The following KATNAL1 variants were observed in gnomAD, a reference collection of about 807,000 sequenced individuals.
The protein encoded by KATNAL1 is katanin catalytic subunit A1 like 1.
In KATNAL1, 32 loss-of-function variants were observed where a neutral mutation model predicts 55.2. The ratio of observed to expected loss-of-function variants is 0.58; its 90% CI spans 0.44 to 0.78. The LOEUF is 0.78. Ranked by LOEUF, KATNAL1 falls within the 30% of genes least tolerant of loss-of-function variation. KATNAL1 has a pLI of 0.00. For missense variants in KATNAL1, 466 were observed against 600.9 expected (o/e 0.78, Z 2.35); for synonymous variants, 193 against 193.6 (o/e 1.00, Z 0.02).
chr13:30,253,894 G>A (rs190284706), intron 4 of KATNAL1, among the ~76,000 whole-genome samples: 7 of 152,138 alleles, frequency 4.6e-5, no homozygotes, highest in Non-Finnish European at 1.0e-4. Flanking sequence ...CATTCTTCCA[G>A]TATCCATGTC....
At chr13:30,250,226 G>T (rs986500873) in intron 4 of KATNAL1, among the ~76,000 whole-genome samples, 3 of 152,168 alleles carry the variant, frequency 2.0e-5, no homozygotes, top group South Asian at 2.1e-4. Flanking sequence ...ATTTAGAAAA[G>T]TAATGGGGAA....
intron 1 of KATNAL1, among the ~76,000 whole-genome samples, chr13:30,303,467 A>G (rs1332558811): frequency 6.6e-6 from 1 of 152,228 alleles, no homozygotes; most frequent in Non-Finnish European, 1.5e-5. Context: ...GGGGAGGCTG[A>G]GACAGGAAGG....
intron 6 of KATNAL1, among the ~76,000 whole-genome samples, chr13:30,234,487 C>T (rs181704721): frequency 6.6e-6 from 1 of 152,208 alleles, no homozygotes; most frequent in Admixed American, 6.5e-5. Flanking sequence ...TCTTGAAACC[C>T]TGACACTGCT....
intron 1 of KATNAL1, among the ~76,000 whole-genome samples, chr13:30,295,793 T>C (rs1882444489): frequency 6.6e-6 from 1 of 152,216 alleles, no homozygotes; most frequent in East Asian, 1.9e-4. Context: ...TTGACTCCAA[T>C]TGTGAAAGAA....
intron 4 of KATNAL1, among the ~76,000 whole-genome samples, chr13:30,241,936 G>A (rs2137427203): frequency 6.6e-6 from 1 of 152,264 alleles, no homozygotes; most frequent in East Asian, 1.9e-4. Flanking sequence ...GGGCAGTATG[G>A]CGGTAGCATT....
Position 30,255,440 on chromosome 13 carries a change from A to T in KATNAL1, c.492+7T>A. ...AGTGAGTGAATTACAGAAAGACAGC[A>T]TCTTGCCTTGTCATCTCTCCCTCTT... On this transcript the variant is annotated splice_region_variant and intron_variant, in intron 4 of 10. Coordinates refer to ENST00000380615, the MANE Select transcript of KATNAL1 (RefSeq NM_032116.5). 6.6e-7 allele frequency: 1 copy of T among 1,511,422 alleles called. No homozygotes were observed. The highest frequency in any genetic ancestry group is 8.9e-7 in the Non-Finnish European group (1 of 1,129,198). 93.6% of individuals were successfully genotyped at this position (1,511,422 alleles called of 1,614,324 possible).
At chr13:30,258,231 T>C (rs965184761) in intron 3 of KATNAL1, among the ~76,000 whole-genome samples, 11 of 152,222 alleles carry the variant, frequency 7.2e-5, no homozygotes, top group Non-Finnish European at 1.2e-4. Context: ...GAGATTTCCC[T>C]ATAGGAATAA....
chr13:30,271,763 G>A (rs1880379354), intron 3 of KATNAL1, among the ~76,000 whole-genome samples: 1 of 151,866 alleles, frequency 6.6e-6, no homozygotes, highest in South Asian at 2.1e-4. Context: ...AGCTCCTGGA[G>A]GGTAAGGACC....
At chr13:30,261,714 C>T (rs1053431680) in intron 3 of KATNAL1, among the ~76,000 whole-genome samples, 2 of 152,178 alleles carry the variant, frequency 1.3e-5, no homozygotes, top group African/African-American at 4.8e-5. Context: ...CAGATTCATA[C>T]AGCAAGTCCT....
chr13:30,300,497 A>C (rs1882788978), intron 1 of KATNAL1, among the ~76,000 whole-genome samples: 1 of 152,070 alleles, frequency 6.6e-6, no homozygotes, highest in South Asian at 2.1e-4. Flanking sequence ...TTTTATCAAT[A>C]TGTCCAGGCT....
intron 8 of KATNAL1, 137 bp downstream of exon 8, chr13:30,230,331 A>G (rs1170785340): frequency 1.5e-6 from 1 of 684,744 alleles, no homozygotes; most frequent in Non-Finnish European, 2.3e-6. Context: ...TTCTGAGTGC[A>G]TGAACAAATG....
chr13:30,296,243 T>C, intron 1 of KATNAL1: 2 of 1,125,672 alleles, frequency 1.8e-6, no homozygotes, highest in Non-Finnish European at 2.5e-6. Flanking sequence ...GCTGTCAGAC[T>C]ACAAAGGGAA....
At chr13:30,252,783 C>T (rs193018628) in intron 4 of KATNAL1, among the ~76,000 whole-genome samples, 21 of 151,760 alleles carry the variant, frequency 1.4e-4, no homozygotes, top group African/African-American at 4.6e-4. Flanking sequence ...CGCTCTGTTG[C>T]CCAAGCTGGA....
intron 1 of KATNAL1, among the ~76,000 whole-genome samples, chr13:30,301,874 GTATT>G (rs1393309441): frequency 6.6e-6 from 1 of 152,042 alleles, no homozygotes; most frequent in Non-Finnish European, 1.5e-5. Flanking sequence ...ATGTATGTAT[GTATT>G]TATTTATTTT....
At chr13:30,275,658 T>G (rs1880788978) in intron 3 of KATNAL1, among the ~76,000 whole-genome samples, 1 of 152,178 alleles carries the variant, frequency 6.6e-6, no homozygotes, top group African/African-American at 2.4e-5. Context: ...TGACTGTAGT[T>G]AACAATACTG....
intron 1 of KATNAL1, among the ~76,000 whole-genome samples, chr13:30,301,510 C>T (rs1777360016): frequency 2.6e-5 from 4 of 152,198 alleles, no homozygotes. Context: ...TAGGCATTAT[C>T]TCATCTAATC....
chr13:30,285,754 A>C (rs1228452832), intron 1 of KATNAL1, among the ~76,000 whole-genome samples: 1 of 152,222 alleles, frequency 6.6e-6, no homozygotes, highest in Non-Finnish European at 1.5e-5. Context: ...AAAATGTGGG[A>C]AACTCTGGAA....
rs776810216 is a variant in KATNAL1 at position 30,218,224 on chromosome 13, AT to A, written c.1148-7783del. Among the ~76,000 whole-genome samples the A allele has an allele frequency of 2.9e-3, 422 of 143,294 alleles. 5 individuals are homozygous for A. The highest frequency in any genetic ancestry group is 0.01 in the African/African-American group (400 of 38,974). 94.0% of individuals were successfully genotyped at this position (143,294 alleles called of 152,430 possible). On this transcript the variant is annotated intron_variant, in intron 9 of 10. Transcript: ENST00000380615. The stretch of plus-strand genomic sequence containing the variant: ...AAAAGGAATATATATATATATATAT[AT>A]ATAAAGGACCTGACCCTGATGTAAT...
rs374664787 is a variant in KATNAL1, at chr13:30,230,631, C to T, written c.886-37G>A. 3.6e-5 allele frequency: 53 copies of T among 1,481,184 alleles called. No individual in the cohort carries two copies. The East Asian group carries it at 7.9e-4, about 22-fold the overall frequency. The allele number at this position is 1,481,184 out of a possible 1,614,324, so 91.8% of individuals were successfully genotyped here. A position where few individuals can be genotyped will look rare whatever the true frequency, so the allele number is the denominator to read the frequency against. ...TATTTTAAAGAAATCATTCAATAAT[C>T]TCATAAAACAATTGGAGTATTTAAA... On this transcript the variant is annotated intron_variant, in intron 7 of 10. Coordinates refer to ENST00000380615, the MANE Select transcript of KATNAL1 (RefSeq NM_032116.5).
Sources: allele counts gnomAD v4.1 joint callset (sites outside exome capture counted in the v4.1 genomes callset), GRCh38; gene constraint gnomAD v4.1.1; transcripts MANE v1.5; gene names NCBI Gene and HGNC (gene_info 2026-07-23, HGNC 2026-07-21).